FRAS1: variants seen among roughly 807,000 people sequenced by gnomAD.
FRAS1 encodes the protein Fraser extracellular matrix complex subunit 1.
Under a neutral mutation model 435.2 loss-of-function variants are expected in FRAS1, and 290 were observed. The ratio of observed to expected loss-of-function variants is 0.67; its 90% CI spans 0.61 to 0.73. FRAS1 has a LOEUF of 0.73. Ranked by LOEUF, FRAS1 falls within the 30% of genes least tolerant of loss-of-function variation. The pLI, the probability that FRAS1 is intolerant of heterozygous loss-of-function variation, is 0.00. For synonymous variants in FRAS1, 1,800 were observed against 1,851.0 expected (o/e 0.97, Z 0.71); for missense variants, 4,860 against 5,001.5 (o/e 0.97, Z 0.85).
chr4:78,373,137 A>G (rs1731581659), intron 24 of FRAS1, among the ~76,000 whole-genome samples: 1 of 152,096 alleles, frequency 6.6e-6, no homozygotes, highest in South Asian at 2.1e-4. Context: ...AGATTTTCTT[A>G]AAAATTGAAC....
Position 78,077,880 on chromosome 4 carries a change from T to C in FRAS1, c.108+11864T>C, listed in dbSNP as rs112556095. Among the ~76,000 whole-genome samples, 538 of 150,376 alleles carry C rather than the reference T, an allele frequency of 3.6e-3. 2 individuals carry two copies. Among genetic ancestry groups the C allele is most frequent in the African/African-American group, 0.013 (513 of 40,952 alleles). On this transcript the variant is annotated intron_variant, in intron 2 of 73. Coordinates refer to ENST00000512123, the MANE Select transcript of FRAS1 (RefSeq NM_025074.7). ...AATGGCCATGTTGCTTTATTTATTA[T>C]ACTGAAAGCAATACAGCCTTGTTCT... is the stretch of plus-strand genomic sequence containing the variant.
chr4:78,158,176 A>G (rs1010587623), intron 2 of FRAS1, among the ~76,000 whole-genome samples: 1 of 152,156 alleles, frequency 6.6e-6, no homozygotes, highest in Non-Finnish European at 1.5e-5. Context: ...TTTTGATTCC[A>G]TATGAATTTT....
rs772287768 is a variant in FRAS1, at chr4:78,482,427, G to A, written c.8644G>A (p.Val2882Ile). ...LTILDDTQYP[V>I]IEGLETFVVF... ...TATCTTGGATGACACTCAGTATCCG[G>A]TAATTGAAGGACTGGAGACATTTGT... is the stretch of plus-strand genomic sequence containing the variant. Residue 2882 changes from valine (V) to isoleucine (I), a missense_variant, in exon 58 of 74, where the codon GTA becomes ATA. Val to Ile is a conservative substitution (Grantham distance 29, BLOSUM62 3). Transcript: ENST00000512123. 6.8e-6 allele frequency: 11 copies of A among 1,613,736 alleles called. No individual in the cohort carries two copies. In the East Asian group the frequency reaches 2.4e-4, roughly 36 times the overall value.
chr4:78,119,004 T>C (rs1449097781), intron 2 of FRAS1, among the ~76,000 whole-genome samples: 1 of 152,190 alleles, frequency 6.6e-6, no homozygotes, highest in African/African-American at 2.4e-5. Flanking sequence ...AACTCTTTTA[T>C]AGAATATGTG....
intron 20 of FRAS1, 102 bp downstream of exon 20, chr4:78,337,919 T>A: frequency 9.0e-7 from 1 of 1,104,974 alleles, no homozygotes; most frequent in Non-Finnish European, 1.4e-6. Context: ...TATGAGCTCT[T>A]TTATAGGAGA....
chr4:78,366,401 T>C (rs1731269475), intron 22 of FRAS1, among the ~76,000 whole-genome samples: 1 of 152,156 alleles, frequency 6.6e-6, no homozygotes, highest in African/African-American at 2.4e-5. Context: ...GCTAGAGTAG[T>C]TGGAAAGTTG....
chr4:78,212,429 A>G (rs190883836), intron 2 of FRAS1, among the ~76,000 whole-genome samples: 15 of 152,260 alleles, frequency 9.9e-5, no homozygotes, highest in African/African-American at 3.4e-4. Context: ...AGGCTGGTAA[A>G]TCAAAGAAGT....
At chr4:78,362,113 A>G (rs1443995062) in intron 20 of FRAS1, among the ~76,000 whole-genome samples, 1 of 152,178 alleles carries the variant, frequency 6.6e-6, no homozygotes, top group Non-Finnish European at 1.5e-5. Context: ...TTTAATCCCA[A>G]CTGGTATTAC....
At chr4:78,442,953 G>A (rs187677586) in intron 41 of FRAS1, among the ~76,000 whole-genome samples, 86 of 152,272 alleles carry the variant, frequency 5.6e-4, no homozygotes, top group Non-Finnish European at 1.0e-4. Context: ...GCATTTAGGA[G>A]GGCAAAATAA....
At chr4:78,451,024 A>T (rs1232228638) in intron 45 of FRAS1, among the ~76,000 whole-genome samples, 1 of 147,408 alleles carries the variant, frequency 6.8e-6, no homozygotes, top group Non-Finnish European at 1.5e-5. Context: ...CCTAAAATTG[A>T]CAACAGCTGA....
intron 1 of FRAS1, among the ~76,000 whole-genome samples, chr4:78,061,028 G>T (rs1470503735): frequency 6.6e-6 from 1 of 152,050 alleles, no homozygotes; most frequent in Non-Finnish European, 1.5e-5. Context: ...CACATTTTTA[G>T]TAGAGACAGA....
intron 2 of FRAS1, 37 bp from the exon 3 acceptor site, chr4:78,237,473 G>T: frequency 7.0e-7 from 1 of 1,427,642 alleles, no homozygotes; most frequent in South Asian, 1.2e-5. Flanking sequence ...TACCTTGACT[G>T]ATCAGTTTTT....
At chr4:78,347,580 C>G (rs1730652910) in intron 20 of FRAS1, among the ~76,000 whole-genome samples, 1 of 152,214 alleles carries the variant, frequency 6.6e-6, no homozygotes, top group Non-Finnish European at 1.5e-5. Flanking sequence ...CCACACTGCT[C>G]TGTTCCTGTG....
intron 63 of FRAS1, among the ~76,000 whole-genome samples, chr4:78,509,451 T>A (rs1038423303): frequency 2.0e-5 from 3 of 152,252 alleles, no homozygotes; most frequent in African/African-American, 7.2e-5. Context: ...CTTATGGACA[T>A]GAACCAAAGT....
chr4:78,477,963 T>A lies in FRAS1; in HGVS notation c.8000T>A (p.Ile2667Asn). The A allele has an allele frequency of 6.2e-7, 1 of 1,613,306 alleles. No individual in the cohort carries two copies. Among genetic ancestry groups the A allele is most frequent in the Non-Finnish European group, 8.5e-7 (1 of 1,179,662 alleles). The change falls in exon 55 of 74, where the codon ATC becomes AAC. Residue 2667 changes from isoleucine to asparagine, a missense_variant. Transcript: ENST00000512123. ...GAATTCACCCAGGCGAAGGTCATTA[T>A]CAACGATACCGAGGATGAACCCACA... ...LGEFTQAKVI[I>N]NDTEDEPTLE...
At chr4:78,539,268 T>C (rs752324446) in intron 72 of FRAS1, 26 bp from the exon 73 acceptor site, 1 of 1,599,034 alleles carries the variant, frequency 6.3e-7, no homozygotes, top group South Asian at 1.1e-5. Flanking sequence ...TTCTAAATCT[T>C]GCATTTCTTT....
rs369092978 is a variant in FRAS1 at position 78,104,543 on chromosome 4, G to A, written c.108+38527G>A. 3.9e-4 allele frequency among the ~76,000 whole-genome samples: 60 copies of A among 152,250 alleles called. 2 individuals carry two copies. Among genetic ancestry groups the A allele is most frequent in the African/African-American group, 1.4e-3 (58 of 41,542 alleles). ...TCTGATCTCACTAGCAAGATTAAAT[G>A]GTTCACCATATGTACTTTTTCACTT... On this transcript the variant is annotated intron_variant, in intron 2 of 73. Coordinates refer to ENST00000512123, the MANE Select transcript of FRAS1 (RefSeq NM_025074.7).
At chr4:78,275,330 G>T (rs1467778867) in intron 9 of FRAS1, among the ~76,000 whole-genome samples, 1 of 152,100 alleles carries the variant, frequency 6.6e-6, no homozygotes. Flanking sequence ...GGTTAATATT[G>T]TTATGTGTGA....
chr4:78,456,568 C>T (rs2109839950), intron 47 of FRAS1, among the ~76,000 whole-genome samples: 1 of 152,196 alleles, frequency 6.6e-6, no homozygotes, highest in East Asian at 1.9e-4. Flanking sequence ...CTTTTTTAAG[C>T]AGGGGAGGAG....
Sources: allele counts gnomAD v4.1 joint callset (sites outside exome capture counted in the v4.1 genomes callset), GRCh38; gene constraint gnomAD v4.1.1; transcripts MANE v1.5; gene names NCBI Gene and HGNC (gene_info 2026-07-23, HGNC 2026-07-21).